ELK1: variants seen among roughly 807,000 people sequenced by gnomAD.
ELK1 encodes the protein ETS domain-containing protein Elk-1.
For synonymous variants in ELK1, 163 were observed against 176.3 expected, an observed-to-expected ratio of 0.92 and a Z score of 0.60; for missense variants, 254 against 381.5, an observed-to-expected ratio of 0.67 and a Z score of 2.78.
intron 2 of ELK1, among the ~76,000 whole-genome samples, chrX:47,645,323 A>C (rs1301943649): frequency 9.0e-6 from 1 of 111,722 alleles, no homozygotes; most frequent in Non-Finnish European, 1.9e-5. Context: ...TGAATCCTCA[A>C]ACCACCGTTA....
Position 47,650,552 on chromosome X carries a change from G to GGT in ELK1, c.-271_-270insAC, listed in dbSNP as rs1556865087. 6.3e-6 allele frequency: 2 copies of GGT among 319,755 alleles called. No individual in the cohort carries two copies. Among genetic ancestry groups the GGT allele is most frequent in the Admixed American group, 7.1e-5 (2 of 28,220 alleles). The allele number at this position is 319,755 out of a possible 1,213,427, so 26.4% of individuals were successfully genotyped here. A position where few individuals can be genotyped will look rare whatever the true frequency, so the allele number is the denominator to read the frequency against. On this transcript the variant is annotated 5_prime_UTR_variant, in exon 1 of 7. Transcript: ENST00000376983. ...TGGAGGTGGTGGTGGCGGTGGCGGCGGCAGCACCTAGAAGCCGCCCCTGCG... is the reference window on the plus strand; with the variant it reads ...TGGAGGTGGTGGTGGCGGTGGCGGCGGTGCAGCACCTAGAAGCCGCCCCTGCG...
chrX:47,638,774 C>T, intron 4 of ELK1, 121 bp downstream of exon 4: 1 of 856,438 alleles, frequency 1.2e-6, no homozygotes, highest in Non-Finnish European at 1.7e-6. Context: ...CTTCCTTCCA[C>T]CATTATCTCC....
chrX:47,650,572 C>T (rs1012531327), upstream of ELK1: 1 of 300,798 alleles, frequency 3.3e-6, no homozygotes, highest in Non-Finnish European at 6.2e-6. Context: ...AGAAGCCGCC[C>T]CTGCGTTTCC....
In ELK1 at chrX:47,636,819, G is replaced by A. The variant is rs1284195646; in HGVS notation, c.*10C>T. 8.8e-7 allele frequency: 1 copy of A among 1,133,142 alleles called. No individual in the cohort carries two copies. The highest frequency in any genetic ancestry group is 2.1e-5 in the South Asian group (1 of 48,076). The allele number at this position is 1,133,142 out of a possible 1,213,427, so 93.4% of individuals were successfully genotyped here. A position where few individuals can be genotyped will look rare whatever the true frequency, so the allele number is the denominator to read the frequency against. ...GACCCCAGAAGGGGTGGTGGTGGTGGTGGTAGTAGTCATGGCTTCTGGGGC... is the reference window on the plus strand; with the variant it reads ...GACCCCAGAAGGGGTGGTGGTGGTGATGGTAGTAGTCATGGCTTCTGGGGC... On this transcript the variant is annotated 3_prime_UTR_variant, in exon 7 of 7. Transcript: ENST00000376983.
intron 3 of ELK1, among the ~76,000 whole-genome samples, chrX:47,640,489 G>A (rs887518286): frequency 9.0e-6 from 1 of 110,876 alleles, no homozygotes; most frequent in African/African-American, 3.3e-5. Flanking sequence ...TGAAATAACT[G>A]GTATAAATAT....
At chrX:47,644,608 C>A (rs1463742165) in intron 2 of ELK1, among the ~76,000 whole-genome samples, 1 of 110,328 alleles carries the variant, frequency 9.1e-6, no homozygotes, top group Non-Finnish European at 1.9e-5. Flanking sequence ...TGGGCAGAGA[C>A]CAAAAGGAGG....
At position 47,637,284 on chromosome X, in the gene ELK1, A is replaced by G. The variant is rs761766697; in HGVS notation, c.1087-170T>C. 1.4e-4 allele frequency among the ~76,000 whole-genome samples: 15 copies of G among 110,053 alleles called. No individual in the cohort carries two copies. The South Asian group carries it at 5.9e-3, about 43-fold the overall frequency. On this transcript the variant is annotated intron_variant, in intron 5 of 6. Transcript: ENST00000376983. ...TGGAGGCCATGCCTATGATCTCTCAAACTCTGCAGACACCCCCCACTCCCC... is the reference window on the plus strand; with the variant it reads ...TGGAGGCCATGCCTATGATCTCTCAGACTCTGCAGACACCCCCCACTCCCC...
rs781544097 is a variant in ELK1, at chrX:47,636,764, A to G, written c.*65T>C. On this transcript the variant is annotated 3_prime_UTR_variant, in exon 7 of 7. Transcript: ENST00000376983. ...CAGTTGAACTATGTTTCTCCTTGAG[A>G]TGGCTGGCTGGAGAGAGCATGGATG... is the stretch of plus-strand genomic sequence containing the variant. 1.0e-6 allele frequency: 1 copy of G among 985,710 alleles called. No individual in the cohort carries two copies. The highest frequency in any genetic ancestry group is 2.0e-5 in the African/African-American group (1 of 50,572). The allele number at this position is 985,710 out of a possible 1,213,427, so 81.2% of individuals were successfully genotyped here. A position where few individuals can be genotyped will look rare whatever the true frequency, so the allele number is the denominator to read the frequency against.
intron 2 of ELK1, among the ~76,000 whole-genome samples, chrX:47,649,674 A>T (rs1273665837): frequency 9.0e-6 from 1 of 110,672 alleles, no homozygotes; most frequent in African/African-American, 3.3e-5. Flanking sequence ...AAATAGGGAG[A>T]TGTAAAGCAC....
intron 1 of ELK1, 137 bp from the exon 2 acceptor site, chrX:47,650,163 C>A (rs1203503413): frequency 2.3e-5 from 3 of 128,589 alleles, no homozygotes; most frequent in Non-Finnish European, 4.6e-5. Flanking sequence ...GACGAGTCCA[C>A]CCTAAGTTGG....
intron 2 of ELK1, among the ~76,000 whole-genome samples, chrX:47,648,489 C>T (rs1032110134): frequency 2.7e-5 from 3 of 112,142 alleles, no homozygotes; most frequent in Admixed American, 9.4e-5. Flanking sequence ...TCTTTTTATA[C>T]TGCATTCCAC....
At chrX:47,639,838 T>C (rs892670250) in intron 3 of ELK1, among the ~76,000 whole-genome samples, 2 of 112,907 alleles carry the variant, frequency 1.8e-5, no homozygotes, top group African/African-American at 6.4e-5. Context: ...TTTTGGAGAC[T>C]AGCAAATGCA....
intron 2 of ELK1, among the ~76,000 whole-genome samples, chrX:47,642,756 G>A (rs2058032658): frequency 9.1e-6 from 1 of 109,977 alleles, no homozygotes; most frequent in Non-Finnish European, 1.9e-5. Context: ...CCACGACCAC[G>A]CCCGGCTAAT....
chrX:47,638,791 G>C (rs369858276), intron 4 of ELK1, 104 bp downstream of exon 4: 63 of 947,645 alleles, frequency 6.6e-5, no homozygotes, highest in Non-Finnish European at 7.7e-5. Context: ...CTCCTTTAAC[G>C]GGACAGCTAT....
rs375698452 is a variant in ELK1 at position 47,636,995 on chromosome X, G to A, written c.1188+18C>T. 14 of 1,204,182 alleles carry A rather than the reference G, an allele frequency of 1.2e-5. No homozygotes were observed. The African/African-American group carries it at 1.4e-4, about 12-fold the overall frequency. On this transcript the variant is annotated intron_variant, in intron 6 of 6. Transcript: ENST00000376983. The stretch of plus-strand genomic sequence containing the variant: ...TTGGGTCTCTCACCCTGTCCAAAAC[G>A]GGGAAAGAGGATCCTACCTGGAAGG...
In ELK1 at chrX:47,641,249, G is replaced by A. The variant is rs1418561205; in HGVS notation, c.193C>T (p.Arg65Trp). The change falls in exon 3 of 7, where the codon CGG becomes TGG. Residue 65 changes from arginine (R) to tryptophan (W), a missense_variant. By Grantham distance (101) the Arg-to-Trp change is moderately radical. Coordinates refer to ENST00000376983, the MANE Select transcript of ELK1 (RefSeq NM_001114123.3). ...GACTGTACCTTGTCATAGTAGTACC[G>A]CAAGGCCCGGCTGAGCTTGTCGTAA... ...MNYDKLSRAL[R>W]YYYDKNIIRK... is the part of the protein sequence containing the mutation. 1 of 1,211,648 alleles carries A rather than the reference G, an allele frequency of 8.3e-7. No individual in the cohort carries two copies. The highest frequency in any genetic ancestry group is 1.8e-5 in the South Asian group (1 of 56,979).
At position 47,641,292 on chromosome X, in the gene ELK1, C is replaced by T; in HGVS notation, c.150G>A (p.Lys50=). 1 of 1,211,909 alleles carries T rather than the reference C, an allele frequency of 8.3e-7. No homozygotes were observed. The highest frequency in any genetic ancestry group is 1.1e-6 in the Non-Finnish European group (1 of 895,588). ...EEVARLWGLR[K]NKTNMNYDKL... ...TGTCGTAATTCATGTTGGTCTTGTTCTTGCGTAGCCCCCACAGCCGGGCCA... is the reference window on the plus strand; with the variant it reads ...TGTCGTAATTCATGTTGGTCTTGTTTTTGCGTAGCCCCCACAGCCGGGCCA... Residue 50 remains lysine, a synonymous_variant, in exon 3 of 7, where the codon AAG becomes AAA. Coordinates refer to ENST00000376983, the MANE Select transcript of ELK1 (RefSeq NM_001114123.3).
chrX:47,642,238 G>C (rs769299709), intron 2 of ELK1, among the ~76,000 whole-genome samples: 1 of 112,684 alleles, frequency 8.9e-6, no homozygotes, highest in South Asian at 3.7e-4. Context: ...TTTCAGCTGA[G>C]ACCAGTGTGG....
At chrX:47,646,433 A>C (rs568781286) in intron 2 of ELK1, among the ~76,000 whole-genome samples, 6 of 111,309 alleles carry the variant, frequency 5.4e-5, no homozygotes, top group African/African-American at 2.0e-4. Flanking sequence ...GCTATACACC[A>C]CAGTTTTGTG....
Sources: allele counts gnomAD v4.1 joint callset (sites outside exome capture counted in the v4.1 genomes callset), GRCh38; gene constraint gnomAD v4.1.1; transcripts MANE v1.5; gene names NCBI Gene and HGNC (gene_info 2026-07-23, HGNC 2026-07-21).